GRIP2: variants seen among roughly 807,000 people sequenced by gnomAD.
GRIP2 encodes the protein glutamate receptor-interacting protein 2.
GRIP2 carries 58 observed loss-of-function variants against 108.3 expected under a neutral mutation model. The ratio of observed to expected loss-of-function variants is 0.54; its 90% CI spans 0.43 to 0.67. The LOEUF is 0.67. Among genes scored for constraint, GRIP2 ranks in the 30% least tolerant of loss-of-function variants. The probability of loss-of-function intolerance (pLI) is 0.00; values close to 1 mark genes in which losing one functional copy is unlikely to be tolerated. For synonymous variants in GRIP2, 586 were observed against 598.2 expected, an observed-to-expected ratio of 0.98 and a Z score of 0.30; for missense variants, 1,278 against 1,430.6, an observed-to-expected ratio of 0.89 and a Z score of 1.72.
At chr3:14,494,731 T>G in intron 23 of GRIP2, 112 bp downstream of exon 23, 1 of 1,323,646 alleles carries the variant, frequency 7.6e-7, no homozygotes, top group Non-Finnish European at 1.0e-6. Context: ...CTAACCTGAC[T>G]CAGACTTGCA....
Position 14,507,788 on chromosome 3 carries a change from ACAAAG to A in GRIP2, c.2079-93_2079-89del. On this transcript the variant is annotated intron_variant, in intron 17 of 23. Transcript: ENST00000621039. This position sits in a 1 kb window ranked among gnomAD's most constrained non-coding sequence, Gnocchi z 4.6. ...TGCCCTCAGGGAATCCAGGAGAGCC[ACAAAG>A]CAGAAGTCTGGCTGACCCCAGTTAA... 1.3e-6 allele frequency: 2 copies of A among 1,490,154 alleles called. No individual in the cohort carries two copies. Among genetic ancestry groups the A allele is most frequent in the East Asian group, 4.6e-5 (2 of 43,294 alleles). The allele number at this position is 1,490,154 out of a possible 1,614,324, so 92.3% of individuals were successfully genotyped here.
At chr3:14,520,665 T>G (rs1694383353) in intron 7 of GRIP2, 128 bp from the exon 8 acceptor site, 1 of 892,482 alleles carries the variant, frequency 1.1e-6, no homozygotes, top group African/African-American at 1.7e-5. Context: ...ATTAACATAA[T>G]TTTTTATTCC....
chr3:14,576,721 C>T, the GRIP2 span, among the ~76,000 whole-genome samples: 4 of 152,344 alleles, frequency 2.6e-5, no homozygotes, highest in African/African-American at 9.6e-5. Flanking sequence ...CTGAGCACCT[C>T]GCGGGCACTA....
intron 23 of GRIP2, among the ~76,000 whole-genome samples, chr3:14,494,520 C>T (rs1388891359): frequency 1.3e-5 from 2 of 152,224 alleles, no homozygotes; most frequent in Non-Finnish European, 1.5e-5. Flanking sequence ...CCACGTGTGA[C>T]TTTCCAGTCT....
In GRIP2 at chr3:14,493,813, C is replaced by T. The variant is rs376935133; in HGVS notation, c.2984G>A (p.Arg995His). 26 of 1,612,460 alleles carry T rather than the reference C, an allele frequency of 1.6e-5. No individual in the cohort carries two copies. The highest frequency in any genetic ancestry group is 1.7e-4 in the Middle Eastern group (1 of 6,058). Residue 995 changes from arginine to histidine, a missense_variant, in exon 24 of 24, where the codon CGT becomes CAT. Coordinates refer to ENST00000621039, the MANE Select transcript of GRIP2 (RefSeq NM_001080423.4). Reference sequence around the variant, plus strand: ...CAGGCAGCAGTCGAAGTCCCGTGTACGGACGTGGTTGACCTGCATGGGGCA... The same window carrying T: ...CAGGCAGCAGTCGAAGTCCCGTGTATGGACGTGGTTGACCTGCATGGGGCA... Reference protein sequence around the residue: ...FDRVLQVNHVRTRDFDCCLAV... With the variant: ...FDRVLQVNHVHTRDFDCCLAV...
chr3:14,527,621 G>A (rs939840915), intron 1 of GRIP2, among the ~76,000 whole-genome samples: 2 of 152,094 alleles, frequency 1.3e-5, no homozygotes, highest in Non-Finnish European at 2.9e-5. Context: ...GGGGGATGGT[G>A]GCTCACACCT....
rs1466724337 is a variant in GRIP2, at chr3:14,511,228, G to T, written c.1870C>A (p.Gln624Lys). The T allele has an allele frequency of 6.2e-7, 1 of 1,613,854 alleles. No homozygotes were observed. Among genetic ancestry groups the T allele is most frequent in the African/African-American group, 1.3e-5 (1 of 74,914 alleles). Residue 624 changes from glutamine (Q) to lysine (K), a missense_variant, in exon 16 of 24, where the codon CAA (glutamine) becomes AAA (lysine). Gln to Lys is a moderately conservative substitution (Grantham distance 53). Transcript: ENST00000621039. The surrounding 1 kb of genome is among the most constrained non-coding windows in gnomAD (Gnocchi z 4.1). ...LDNCPMEDAV[Q>K]ILRQCEDLVK... Reference sequence around the variant, plus strand: ...AGGTCCTCGCACTGCCGCAGGATTTGCACGGCGTCCTCCATGGGGCAGTTG... The same window carrying T: ...AGGTCCTCGCACTGCCGCAGGATTTTCACGGCGTCCTCCATGGGGCAGTTG...
chr3:14,529,868 T>C (rs1694664032), intron 1 of GRIP2, among the ~76,000 whole-genome samples: 2 of 152,308 alleles, frequency 1.3e-5, no homozygotes, highest in African/African-American at 4.8e-5. Flanking sequence ...TTCAGCCTGG[T>C]TGTAGGGCTC....
chr3:14,517,614 G>A (rs1300058085), intron 10 of GRIP2, among the ~76,000 whole-genome samples, 158 bp downstream of exon 10: 1 of 144,906 alleles, frequency 6.9e-6, no homozygotes, highest in Non-Finnish European at 1.5e-5. Flanking sequence ...CGATCCTCCC[G>A]CCTCAGCCTC....
chr3:14,586,787 T>C, the GRIP2 span, among the ~76,000 whole-genome samples: 1 of 152,170 alleles, frequency 6.6e-6, no homozygotes, highest in African/African-American at 2.4e-5. Context: ...TGAGACAACC[T>C]TGATGTCCAA....
the GRIP2 span, chr3:14,574,350 A>G: frequency 1.0e-6 from 1 of 991,600 alleles, no homozygotes; most frequent in Non-Finnish European, 1.6e-6. Flanking sequence ...CGGCACAGCG[A>G]TGCGCTGGTT....
chr3:14,507,006 C>G lies in GRIP2; in HGVS notation c.2219-26G>C. 6.4e-7 allele frequency: 1 copy of G among 1,565,992 alleles called. No homozygotes were observed. The highest frequency in any genetic ancestry group is 8.7e-7 in the Non-Finnish European group (1 of 1,153,974). On this transcript the variant is annotated intron_variant, in intron 18 of 23. Coordinates refer to ENST00000621039, the MANE Select transcript of GRIP2 (RefSeq NM_001080423.4). This position sits in a 1 kb window ranked among gnomAD's most constrained non-coding sequence, Gnocchi z 4.6. ...CTGGGAGGAGAGAGGGGTGTCAATT[C>G]TGACTTCAGAGACACTCACAGTGAG...
the GRIP2 span, chr3:14,574,106 C>T: frequency 6.3e-6 from 7 of 1,113,126 alleles, no homozygotes; most frequent in East Asian, 9.4e-5. Flanking sequence ...TCGAGTCCAT[C>T]GTTTCATGCT....
In GRIP2 at chr3:14,520,422, G is replaced by A. The variant is rs746746733; in HGVS notation, c.828C>T (p.Ile276=). Residue 276 remains isoleucine (I), a synonymous_variant, in exon 8 of 24, where the codon ATC becomes ATT. Coordinates refer to ENST00000621039, the MANE Select transcript of GRIP2 (RefSeq NM_001080423.4). ...TSLRNKSVIT[I]DRIKPASVVD... The stretch of plus-strand genomic sequence containing the variant: ...CCACGCTGGCTGGCTTGATGCGGTC[G>A]ATGGTAATGACTGACTTGTTCCGGA... 21 of 1,613,194 alleles carry A rather than the reference G, an allele frequency of 1.3e-5. No homozygotes were observed. Among genetic ancestry groups the A allele is most frequent in the Middle Eastern group, 1.6e-4 (1 of 6,084 alleles).
At chr3:14,597,021 G>A in the GRIP2 span, among the ~76,000 whole-genome samples, 1 of 152,174 alleles carries the variant, frequency 6.6e-6, no homozygotes, top group African/African-American at 2.4e-5. Context: ...AGGATTATAG[G>A]AGCAGCCACT....
chr3:14,576,017 G>A, the GRIP2 span, among the ~76,000 whole-genome samples: 1 of 152,364 alleles, frequency 6.6e-6, no homozygotes, highest in East Asian at 1.9e-4. Flanking sequence ...GCCAGTGCTG[G>A]AAATGGGAGG....
upstream of GRIP2, among the ~76,000 whole-genome samples, chr3:14,559,971 G>A (rs187138830): frequency 1.3e-3 from 195 of 152,326 alleles, no homozygotes; most frequent in Middle Eastern, 0.017. Flanking sequence ...AGGCATCTGA[G>A]GATGGGCTTG....
the GRIP2 span, among the ~76,000 whole-genome samples, chr3:14,569,084 T>C: frequency 0.28 from 41,739 of 151,478 alleles, 6,165 homozygotes; most frequent in Middle Eastern, 0.36. Flanking sequence ...CGGGGAGGGG[T>C]TGCAGTGCCA....
chr3:14,545,182 A>G (rs1385184325), upstream of GRIP2, among the ~76,000 whole-genome samples: 1 of 151,996 alleles, frequency 6.6e-6, no homozygotes, highest in Non-Finnish European at 1.5e-5. Flanking sequence ...CGGAGCAGAG[A>G]CTCCACGCAC....
Sources: gnomAD v4.1 joint callset for allele counts (sites outside exome capture counted in the v4.1 genomes callset) on GRCh38, gnomAD v4.1.1 for gene constraint, Gnocchi (gnomAD v3.1) non-coding constraint, MANE v1.5 for transcripts, NCBI Gene and HGNC (gene_info 2026-07-23, HGNC 2026-07-21) for gene names.